DCC: variants seen among roughly 807,000 people sequenced by gnomAD.
DCC encodes DCC netrin 1 receptor.
DCC carries 58 observed loss-of-function variants against 172.5 expected under a neutral mutation model. That is an observed-to-expected ratio of 0.34 (90% CI 0.27 to 0.42). The LOEUF (loss-of-function observed/expected upper bound fraction) is 0.42, where lower values mean the gene tolerates loss of function less well. Ranked by LOEUF, DCC falls within the 10% of genes least tolerant of loss-of-function variation. The pLI is 1.00. For synonymous variants in DCC, 709 were observed against 644.5 expected (o/e 1.10, Z -1.52); for missense variants, 1,740 against 1,791.0 (o/e 0.97, Z 0.51).
rs147020035 is a variant in DCC at position 53,242,212 on chromosome 18, G to A, written c.1911+26615G>A. 2.4e-3 allele frequency among the ~76,000 whole-genome samples: 362 copies of A among 152,246 alleles called. 2 individuals carry two copies. The highest frequency in any genetic ancestry group is 8.4e-3 in the African/African-American group (350 of 41,568). On this transcript the variant is annotated intron_variant, in intron 12 of 28. Transcript: ENST00000442544. ...CTGCAAATTTCAAGGGAAGACAAGT[G>A]TGTTAAAACATTTGATTTAGAAAGT... is the stretch of plus-strand genomic sequence containing the variant.
chr18:52,529,908 A>G (rs971868114), intron 1 of DCC, among the ~76,000 whole-genome samples: 3 of 152,150 alleles, frequency 2.0e-5, no homozygotes, highest in Non-Finnish European at 4.4e-5. Flanking sequence ...ACCCATTTAC[A>G]TTTCTGGAAA....
At chr18:53,278,229 T>C (rs950178045) in intron 12 of DCC, among the ~76,000 whole-genome samples, 1 of 152,166 alleles carries the variant, frequency 6.6e-6, no homozygotes, top group Non-Finnish European at 1.5e-5. Context: ...GGGAATTATA[T>C]GAGTCTAGAA....
chr18:52,446,116 G>A (rs760585262), intron 1 of DCC, among the ~76,000 whole-genome samples: 1 of 152,058 alleles, frequency 6.6e-6, no homozygotes, highest in Non-Finnish European at 1.5e-5. Flanking sequence ...TGTATTTTTA[G>A]TAGAGACGGG....
Position 52,928,852 on chromosome 18 carries a change from G to T in DCC, c.985+3482G>T, listed in dbSNP as rs561680977. Among the ~76,000 whole-genome samples the T allele has an allele frequency of 3.5e-4, 53 of 152,230 alleles. No homozygotes were observed. In the East Asian group the frequency reaches 9.9e-3, roughly 28 times the overall value. The stretch of plus-strand genomic sequence containing the variant: ...TGCATGGGAGGCACATGCCCATCTG[G>T]ACATGGGCAGTGTCTATATTGGCAG... On this transcript the variant is annotated intron_variant, in intron 5 of 28. Coordinates refer to ENST00000442544, the MANE Select transcript of DCC (RefSeq NM_005215.4).
chr18:53,324,748 TATAA>T (rs1471779377), intron 14 of DCC, among the ~76,000 whole-genome samples: 2 of 152,164 alleles, frequency 1.3e-5, no homozygotes, highest in African/African-American at 2.4e-5. Flanking sequence ...CAATAAACTA[TATAA>T]ATAGTTATTT....
At chr18:53,218,112 G>A (rs2055881141) in intron 12 of DCC, among the ~76,000 whole-genome samples, 1 of 152,128 alleles carries the variant, frequency 6.6e-6, no homozygotes, top group Non-Finnish European at 1.5e-5. Context: ...GTCTCACAAA[G>A]TGCTGAGATT....
At chr18:53,442,391 T>C (rs964824466) in intron 22 of DCC, among the ~76,000 whole-genome samples, 1 of 152,240 alleles carries the variant, frequency 6.6e-6, no homozygotes, top group Non-Finnish European at 1.5e-5. Context: ...CAGTGATCTT[T>C]GACATTACTA....
chr18:52,905,134 C>T (rs1208587371), intron 2 of DCC, among the ~76,000 whole-genome samples: 4 of 151,940 alleles, frequency 2.6e-5, no homozygotes, highest in African/African-American at 9.7e-5. Flanking sequence ...TGCATACAAG[C>T]ATGTATATGC....
At chr18:53,495,246 G>T (rs1190945565) in intron 26 of DCC, among the ~76,000 whole-genome samples, 1 of 152,046 alleles carries the variant, frequency 6.6e-6, no homozygotes, top group African/African-American at 2.4e-5. Context: ...ACAAAAACTA[G>T]CTGAGCATGG....
chr18:52,658,223 A>C (rs1838392567), intron 1 of DCC, among the ~76,000 whole-genome samples: 2 of 152,342 alleles, frequency 1.3e-5, no homozygotes, highest in East Asian at 1.9e-4. Flanking sequence ...TTGAGACACC[A>C]GTTATATGTT....
intron 2 of DCC, among the ~76,000 whole-genome samples, chr18:52,794,985 T>C (rs1768623866): frequency 6.6e-6 from 1 of 152,076 alleles, no homozygotes; most frequent in Non-Finnish European, 1.5e-5. Context: ...TCCCCCTTAA[T>C]CATGATGTAT....
intron 2 of DCC, among the ~76,000 whole-genome samples, chr18:52,833,702 C>T (rs1342173987): frequency 2.0e-5 from 3 of 152,160 alleles, no homozygotes; most frequent in Non-Finnish European, 4.4e-5. Flanking sequence ...GGACTTCAAA[C>T]TGTTTAAAAA....
intron 15 of DCC, among the ~76,000 whole-genome samples, chr18:53,346,562 C>T (rs1446626514): frequency 2.0e-5 from 3 of 152,118 alleles, no homozygotes; most frequent in Non-Finnish European, 4.4e-5. Context: ...ACCTCTATCT[C>T]ATTGTTAGGC....
chr18:52,351,304 G>T (rs979115346), intron 1 of DCC, among the ~76,000 whole-genome samples: 3 of 152,170 alleles, frequency 2.0e-5, no homozygotes, highest in African/African-American at 7.2e-5. Flanking sequence ...TCTCTCTCCA[G>T]TAGTAGCTAC....
intron 27 of DCC, among the ~76,000 whole-genome samples, chr18:53,517,596 A>G (rs2046351687): frequency 6.6e-6 from 1 of 152,102 alleles, no homozygotes; most frequent in African/African-American, 2.4e-5. Flanking sequence ...AGGTGGCCCA[A>G]TGAAAGCCAC....
At chr18:52,677,139 G>T (rs1274355013) in intron 1 of DCC, among the ~76,000 whole-genome samples, 1 of 152,038 alleles carries the variant, frequency 6.6e-6, no homozygotes, top group Non-Finnish European at 1.5e-5. Context: ...TATGAAACGG[G>T]CCTTAATTCT....
At chr18:52,963,623 G>T (rs2040881843) in intron 5 of DCC, among the ~76,000 whole-genome samples, 1 of 151,982 alleles carries the variant, frequency 6.6e-6, no homozygotes, top group Non-Finnish European at 1.5e-5. Flanking sequence ...GTGTTGTGGA[G>T]GCCAGGTTAA....
At chr18:52,652,567 C>G (rs9957656) in intron 1 of DCC, among the ~76,000 whole-genome samples, 9,930 of 152,178 alleles carry the variant, frequency 0.065, 886 homozygotes, top group African/African-American at 0.2. Flanking sequence ...TTCCGTGGCT[C>G]TGCCTGGATT....
chr18:53,495,082 G>A (rs2046003653), intron 26 of DCC, among the ~76,000 whole-genome samples: 1 of 152,146 alleles, frequency 6.6e-6, no homozygotes, highest in Admixed American at 6.6e-5. Flanking sequence ...GGCTGGATAT[G>A]AAATTCTGGG....
Sources: allele counts gnomAD v4.1 joint callset (sites outside exome capture counted in the v4.1 genomes callset), GRCh38; gene constraint gnomAD v4.1.1; transcripts MANE v1.5; gene names NCBI Gene and HGNC (gene_info 2026-07-23, HGNC 2026-07-21).